TMC7: variants seen among roughly 807,000 people sequenced by gnomAD.
TMC7 encodes transmembrane channel-like protein 7.
TMC7 carries 54 observed loss-of-function variants against 82.9 expected under a neutral mutation model. That is an observed-to-expected ratio of 0.65 (90% confidence interval 0.52 to 0.82). The LOEUF is 0.82. Among genes scored for constraint, TMC7 ranks in the 40% least tolerant of loss-of-function variants. The pLI, the probability that TMC7 is intolerant of heterozygous loss-of-function variation, is 0.00. For synonymous variants in TMC7, 350 were observed against 337.9 expected (o/e 1.04, Z -0.39); for missense variants, 820 against 901.2 (o/e 0.91, Z 1.15).
chr16:19,054,201 AATTTT>A (rs1961665593), intron 13 of TMC7, among the ~76,000 whole-genome samples: 1 of 152,112 alleles, frequency 6.6e-6, no homozygotes, highest in Non-Finnish European at 1.5e-5. Flanking sequence ...TTCCTATTGT[AATTTT>A]ATTTTATTTT....
intron 9 of TMC7, among the ~76,000 whole-genome samples, chr16:19,043,870 C>A (rs930102260): frequency 6.6e-6 from 1 of 151,776 alleles, no homozygotes; most frequent in Non-Finnish European, 1.5e-5. Flanking sequence ...CCGCGCCCGG[C>A]CTGCTTTTGT....
At chr16:19,000,587 C>T (rs565540826) in intron 1 of TMC7, among the ~76,000 whole-genome samples, 1 of 152,304 alleles carries the variant, frequency 6.6e-6, no homozygotes, top group East Asian at 1.9e-4. Context: ...GCATGCATGA[C>T]ATTTTATCAT....
intron 2 of TMC7, among the ~76,000 whole-genome samples, chr16:19,011,424 C>G (rs1036214231): frequency 6.6e-6 from 1 of 151,806 alleles, no homozygotes; most frequent in African/African-American, 2.4e-5. Context: ...ATCACAGCAA[C>G]TTGAGAGGCT....
intron 13 of TMC7, among the ~76,000 whole-genome samples, chr16:19,054,415 G>A (rs559058755): frequency 6.6e-6 from 1 of 152,016 alleles, no homozygotes; most frequent in Non-Finnish European, 1.5e-5. Flanking sequence ...TCAAGTCCTT[G>A]CTATAAAATG....
intron 1 of TMC7, among the ~76,000 whole-genome samples, chr16:18,993,306 C>A (rs533924548): frequency 1.3e-5 from 2 of 152,076 alleles, no homozygotes; most frequent in African/African-American, 4.8e-5. Flanking sequence ...TAGATATTCA[C>A]GATGGAAAGG....
chr16:19,001,185 C>G (rs1319255094), intron 1 of TMC7, among the ~76,000 whole-genome samples: 1 of 152,144 alleles, frequency 6.6e-6, no homozygotes, highest in Non-Finnish European at 1.5e-5. Context: ...GGTGGGTGAT[C>G]TAACCTATCT....
chr16:19,054,892 G>C (rs924406028), intron 13 of TMC7, among the ~76,000 whole-genome samples: 1 of 151,558 alleles, frequency 6.6e-6, no homozygotes. Context: ...TTACAGGCAC[G>C]TGCTGCCACT....
Position 19,016,416 on chromosome 16 carries a change from T to A in TMC7, c.312-34T>A, listed in dbSNP as rs368644664. On this transcript the variant is annotated intron_variant, in intron 2 of 15. Coordinates refer to ENST00000304381, the MANE Select transcript of TMC7 (RefSeq NM_024847.4). ...GGATGCTGAGTCTTGATGCTGCTGT[T>A]GTTGTCATTGTCATGATCATGTTTT... The A allele has an allele frequency of 8.1e-6, 13 of 1,612,824 alleles. No individual in the cohort carries two copies. In the East Asian group the frequency reaches 2.7e-4, roughly 33 times the overall value.
intron 4 of TMC7, 102 bp downstream of exon 4, chr16:19,021,898 G>T: frequency 7.3e-7 from 1 of 1,362,988 alleles, no homozygotes. Flanking sequence ...ATTCTTGGGC[G>T]ACTGTATTAG....
At position 19,023,133 on chromosome 16, in the gene TMC7, C is replaced by A. The variant is rs760905718; in HGVS notation, c.649C>A (p.Pro217Thr). Residue 217 changes from proline to threonine, a missense_variant, in exon 5 of 16, where the codon CCA becomes ACA. Transcript: ENST00000304381. The stretch of plus-strand genomic sequence containing the variant: ...TACAGATAAACAATGTACAGTCTAT[C>A]CAGTAAGCAGTTCTGGACTCATTTA... ...KDMDKQCTVY[P>T]VSSSGLIYFY... 8.1e-6 allele frequency: 13 copies of A among 1,608,470 alleles called. No homozygotes were observed. The highest frequency in any genetic ancestry group is 1.1e-5 in the Non-Finnish European group (13 of 1,175,918).
intron 1 of TMC7, 100 bp from the exon 2 acceptor site, chr16:19,009,072 A>G: frequency 7.4e-7 from 1 of 1,349,818 alleles, no homozygotes; most frequent in Non-Finnish European, 1.0e-6. Flanking sequence ...CCAGGCTAGT[A>G]ACTATCTGCA....
intron 3 of TMC7, among the ~76,000 whole-genome samples, chr16:19,019,149 C>T (rs954949094): frequency 1.3e-5 from 2 of 152,188 alleles, no homozygotes; most frequent in Non-Finnish European, 2.9e-5. Context: ...CACGCCCGGC[C>T]AGGATTATCT....
intron 1 of TMC7, among the ~76,000 whole-genome samples, chr16:19,003,077 T>C (rs1801752884): frequency 6.6e-6 from 1 of 152,168 alleles, no homozygotes. Flanking sequence ...ATGCCTGTAA[T>C]CCCAGCCCTT....
At chr16:19,038,807 C>T (rs553874157) in intron 8 of TMC7, among the ~76,000 whole-genome samples, 18 of 152,240 alleles carry the variant, frequency 1.2e-4, no homozygotes, top group South Asian at 8.3e-4. Flanking sequence ...TGTTAGCCAC[C>T]GCACCTGGCC....
At position 18,983,972 on chromosome 16, in the gene TMC7, C is replaced by A; in HGVS notation, c.-92C>A. The A allele has an allele frequency of 1.5e-6, 2 of 1,290,916 alleles. No individual in the cohort carries two copies. The highest frequency in any genetic ancestry group is 2.0e-6 in the Non-Finnish European group (2 of 1,008,942). 80.0% of individuals were successfully genotyped at this position (1,290,916 alleles called of 1,614,324 possible). A position where few individuals can be genotyped will look rare whatever the true frequency, so the allele number is the denominator to read the frequency against. On this transcript the variant is annotated 5_prime_UTR_variant, in exon 1 of 16. Coordinates refer to ENST00000304381, the MANE Select transcript of TMC7 (RefSeq NM_024847.4). ...TGATGTCAGCGCCGGAACCTGGAATCCCGGCTCCGCGAGGGAAGGCCGGGG... is the reference window on the plus strand; with the variant it reads ...TGATGTCAGCGCCGGAACCTGGAATACCGGCTCCGCGAGGGAAGGCCGGGG...
chr16:19,020,710 A>G (rs1959925649), intron 3 of TMC7, among the ~76,000 whole-genome samples: 1 of 152,032 alleles, frequency 6.6e-6, no homozygotes, highest in African/African-American at 2.4e-5. Context: ...TGTACTAAAA[A>G]CATAAAAATT....
rs1225578492 is a variant in TMC7, at chr16:18,994,372, C to T, written c.67+10242C>T. 2.6e-5 allele frequency among the ~76,000 whole-genome samples: 4 copies of T among 151,764 alleles called. No individual in the cohort carries two copies. In the East Asian group the frequency reaches 7.8e-4, roughly 29 times the overall value. ...TTGTTTGGACAGAAAGGCTACAGGGCGCACTCCTGGCTCTTGTGTAAGAAT... is the reference window on the plus strand; with the variant it reads ...TTGTTTGGACAGAAAGGCTACAGGGTGCACTCCTGGCTCTTGTGTAAGAAT... On this transcript the variant is annotated intron_variant, in intron 1 of 15. Coordinates refer to ENST00000304381, the MANE Select transcript of TMC7 (RefSeq NM_024847.4).
rs1248077627 is a variant in TMC7, at chr16:19,056,545, C to T, written c.1875C>T (p.Ile625=). Residue 625 remains isoleucine, a synonymous_variant, in exon 14 of 16, where the codon ATC becomes ATT. Transcript: ENST00000304381. The part of the protein sequence containing the change: ...IIPLTISISR[I]PSSKACGPFT... ...CCGTTGGTCTGTGTCCTGGCAGCAT[C>T]CCTTCCTCGAAAGCCTGTGGGCCGT... is the stretch of plus-strand genomic sequence containing the variant. The T allele has an allele frequency of 6.2e-7, 1 of 1,613,274 alleles. No individual in the cohort carries two copies. Among genetic ancestry groups the T allele is most frequent in the Non-Finnish European group, 8.5e-7 (1 of 1,179,640 alleles).
chr16:19,044,120 G>T (rs748196307), intron 9 of TMC7, among the ~76,000 whole-genome samples: 12 of 144,898 alleles, frequency 8.3e-5, no homozygotes, highest in Non-Finnish European at 3.0e-5. Flanking sequence ...CCTCTGCCTC[G>T]GCCTCCCAAA....
Sources: allele counts gnomAD v4.1 joint callset (sites outside exome capture counted in the v4.1 genomes callset), GRCh38; gene constraint gnomAD v4.1.1; transcripts MANE v1.5; gene names NCBI Gene and HGNC (gene_info 2026-07-23, HGNC 2026-07-21).